SLC30A5: variants seen among roughly 807,000 people sequenced by gnomAD.
SLC30A5 encodes the protein solute carrier family 30 member 5, also known as proton-coupled zinc antiporter SLC30A5.
Under a neutral mutation model 79.6 loss-of-function variants are expected in SLC30A5, and 33 were observed. That is an observed-to-expected ratio of 0.41 (90% CI 0.31 to 0.55). The LOEUF is 0.55. Ranked by LOEUF, SLC30A5 falls within the 20% of genes least tolerant of loss-of-function variation. The pLI is 0.20. For missense variants in SLC30A5, 788 were observed against 928.1 expected (o/e 0.85, Z 1.96); for synonymous variants, 299 against 319.7 (o/e 0.94, Z 0.69).
chr5:69,109,441 G>T (rs1414168124), intron 5 of SLC30A5, among the ~76,000 whole-genome samples: 2 of 151,578 alleles, frequency 1.3e-5, no homozygotes, highest in Non-Finnish European at 2.9e-5. Context: ...GTGTGTGTGT[G>T]TATGTATGTA....
At chr5:69,109,007 T>G (rs1746160737) in intron 5 of SLC30A5, among the ~76,000 whole-genome samples, 1 of 152,116 alleles carries the variant, frequency 6.6e-6, no homozygotes, top group Admixed American at 6.6e-5. Context: ...GATTATAGAT[T>G]CCTAGGAAGT....
intron 4 of SLC30A5, among the ~76,000 whole-genome samples, chr5:69,108,134 A>G (rs1746136612): frequency 6.6e-6 from 1 of 152,224 alleles, no homozygotes; most frequent in Non-Finnish European, 1.5e-5. Context: ...TCTGTATGAC[A>G]TAATTCTATG....
At chr5:69,115,442 T>G in intron 8 of SLC30A5, 35 bp downstream of exon 8, 2 of 1,525,832 alleles carry the variant, frequency 1.3e-6, no homozygotes, top group Non-Finnish European at 1.8e-6. Flanking sequence ...GGTATTAAAT[T>G]GCTAGTAAAA....
In SLC30A5 at chr5:69,129,546, C is replaced by T; in HGVS notation, c.2227C>T (p.His743Tyr). The change falls in exon 16 of 16, where the codon CAT becomes TAT. Residue 743 changes from histidine to tyrosine, a missense_variant. Physicochemically the swap from His to Tyr is moderately conservative, Grantham distance 83. Transcript: ENST00000396591. Reference sequence around the variant, plus strand: ...TATGTCTGGCCTAAGTACTGGATTTCATGATGTTCTGGCTATGACAAAACA... The same window carrying T: ...TATGTCTGGCCTAAGTACTGGATTTTATGATGTTCTGGCTATGACAAAACA... ...QHMSGLSTGF[H>Y]DVLAMTKQME... is the part of the protein sequence containing the mutation. 6.2e-7 allele frequency: 1 copy of T among 1,613,496 alleles called. No individual in the cohort carries two copies. Among genetic ancestry groups the T allele is most frequent in the Non-Finnish European group, 8.5e-7 (1 of 1,179,760 alleles).
At chr5:69,121,138 G>GA (rs1746523542) in intron 12 of SLC30A5, among the ~76,000 whole-genome samples, 1 of 152,038 alleles carries the variant, frequency 6.6e-6, no homozygotes, top group East Asian at 1.9e-4. Flanking sequence ...CTCTACCAAA[G>GA]AAAAAAATTT....
At chr5:69,110,727 T>G (rs1174145752) in intron 5 of SLC30A5, among the ~76,000 whole-genome samples, 1 of 152,198 alleles carries the variant, frequency 6.6e-6, no homozygotes, top group Admixed American at 6.5e-5. Flanking sequence ...GAAATCAGTG[T>G]GTATACAAAA....
intron 2 of SLC30A5, among the ~76,000 whole-genome samples, chr5:69,101,487 C>A (rs942835172): frequency 1.3e-5 from 2 of 151,486 alleles, no homozygotes; most frequent in African/African-American, 4.8e-5. Context: ...CCATGTTGGC[C>A]AGGATGGTCT....
Position 69,116,554 on chromosome 5 carries a change from T to C in SLC30A5, c.1233T>C (p.Leu411=). 6.2e-7 allele frequency: 1 copy of C among 1,609,986 alleles called. No individual in the cohort carries two copies. The highest frequency in any genetic ancestry group is 8.5e-7 in the Non-Finnish European group (1 of 1,178,834). The change falls in exon 10 of 16, where the codon CTT becomes CTC. Residue 411 remains leucine (L), a synonymous_variant. Coordinates refer to ENST00000396591, the MANE Select transcript of SLC30A5 (RefSeq NM_022902.5). This position sits in a 1 kb window ranked among gnomAD's most constrained non-coding sequence, Gnocchi z 4.0. ...RFIKESLKQI[L]EESDSRQIFY... is the part of the protein sequence containing the mutation. ...TTAAGGAATCACTAAAACAAATTCT[T>C]GAGGAGAGTGACTCTAGGCAGATCT... is the stretch of plus-strand genomic sequence containing the variant.
At chr5:69,127,017 T>C (rs1196061960) in intron 14 of SLC30A5, among the ~76,000 whole-genome samples, 2 of 152,112 alleles carry the variant, frequency 1.3e-5, no homozygotes, top group African/African-American at 4.8e-5. Context: ...CAAAAAACTT[T>C]CGTAATGTTT....
chr5:69,108,235 TTA>T, intron 4 of SLC30A5, 112 bp from the exon 5 acceptor site: 1 of 781,344 alleles, frequency 1.3e-6, no homozygotes, highest in South Asian at 1.7e-5. Flanking sequence ...TTTATTTTTC[TTA>T]TGTTTTGTGA....
intron 3 of SLC30A5, among the ~76,000 whole-genome samples, chr5:69,103,665 C>T (rs1357058550): frequency 1.3e-5 from 2 of 152,144 alleles, no homozygotes; most frequent in East Asian, 3.9e-4. Context: ...TAGAATGATG[C>T]CTCATCATCA....
intron 3 of SLC30A5, among the ~76,000 whole-genome samples, chr5:69,103,470 T>C (rs906794894): frequency 6.6e-6 from 1 of 152,196 alleles, no homozygotes; most frequent in Admixed American, 6.5e-5. Flanking sequence ...TGACAAAGCA[T>C]AGGGGTTAAG....
Position 69,127,950 on chromosome 5 carries a change from G to A in SLC30A5, c.1999-54G>A, listed in dbSNP as rs549465383. On this transcript the variant is annotated intron_variant, in intron 14 of 15. Transcript: ENST00000396591. ...CTTTCTGTCAGAAAGCATCTCCATT[G>A]TGTTGTGTAAAGTAGCCTGTATGAC... The A allele has an allele frequency of 6.1e-6, 9 of 1,474,552 alleles. No individual in the cohort carries two copies. The African/African-American group carries it at 9.8e-5, about 16-fold the overall frequency. 91.3% of individuals were successfully genotyped at this position (1,474,552 alleles called of 1,614,324 possible).
At chr5:69,101,530 G>C (rs1284386962) in intron 2 of SLC30A5, among the ~76,000 whole-genome samples, 5 of 151,842 alleles carry the variant, frequency 3.3e-5, no homozygotes, top group Admixed American at 2.6e-4. Context: ...GCCCGCCTCA[G>C]CCTCCCAAAG....
chr5:69,107,725 T>C (rs1007181390), intron 4 of SLC30A5, among the ~76,000 whole-genome samples: 1 of 151,860 alleles, frequency 6.6e-6, no homozygotes, highest in Non-Finnish European at 1.5e-5. Context: ...TGGGTATATG[T>C]TGCCTGTACT....
chr5:69,097,962 C>T (rs886908181), intron 1 of SLC30A5, among the ~76,000 whole-genome samples: 5 of 152,024 alleles, frequency 3.3e-5, no homozygotes, highest in African/African-American at 7.3e-5. Flanking sequence ...AAAACAATGG[C>T]GTCGATTTAT....
At chr5:69,122,249 T>C (rs1746556394) in intron 13 of SLC30A5, among the ~76,000 whole-genome samples, 1 of 152,052 alleles carries the variant, frequency 6.6e-6, no homozygotes, top group African/African-American at 2.4e-5. Context: ...ATACAAAAAT[T>C]AGCCGGACAT....
At chr5:69,114,547 C>A in intron 7 of SLC30A5, 51 bp downstream of exon 7, 1 of 1,088,304 alleles carries the variant, frequency 9.2e-7, no homozygotes, top group Non-Finnish European at 1.4e-6. Context: ...AAAGTTGTAG[C>A]AACTATAACT....
At chr5:69,106,928 A>G (rs1310746439) in intron 4 of SLC30A5, among the ~76,000 whole-genome samples, 1 of 151,400 alleles carries the variant, frequency 6.6e-6, no homozygotes, top group Admixed American at 6.6e-5. Context: ...TATATGGCAC[A>G]GTCTTGGCTC....
Sources: allele counts gnomAD v4.1 joint callset (sites outside exome capture counted in the v4.1 genomes callset), GRCh38; gene constraint gnomAD v4.1.1; non-coding constraint Gnocchi (gnomAD v3.1); transcripts MANE v1.5; gene names NCBI Gene and HGNC (gene_info 2026-07-23, HGNC 2026-07-21).